The following ZNF704 variants were observed in gnomAD, a reference collection of about 807,000 sequenced individuals.
The protein encoded by ZNF704 is glucocorticoid induced gene 1.
Under a neutral mutation model 44.7 loss-of-function variants are expected in ZNF704, and 10 were observed. That is an observed-to-expected ratio of 0.22 (90% CI 0.14 to 0.38). The LOEUF is 0.38. Ranked by LOEUF, ZNF704 falls within the 10% of genes least tolerant of loss-of-function variation. The pLI is 1.00. For synonymous variants in ZNF704, 211 were observed against 207.6 expected, an observed-to-expected ratio of 1.02 and a Z score of -0.14; for missense variants, 390 against 545.5, an observed-to-expected ratio of 0.71 and a Z score of 2.84.
intron 2 of ZNF704, among the ~76,000 whole-genome samples, chr8:80,764,407 T>C (rs1442364689): frequency 6.6e-6 from 1 of 152,106 alleles, no homozygotes; most frequent in African/African-American, 2.4e-5. Context: ...TCCCAGATGC[T>C]TATAAAACCA....
At chr8:80,727,170 G>T (rs1358374246) in intron 2 of ZNF704, among the ~76,000 whole-genome samples, 1 of 152,142 alleles carries the variant, frequency 6.6e-6, no homozygotes, top group African/African-American at 2.4e-5. Flanking sequence ...AATAGCAAGA[G>T]ATTAAATAAA....
At position 80,634,897 on chromosome 8, in the gene ZNF704, T is replaced by C. The variant is rs1192412983; in HGVS notation, c.*6469A>G. Reference sequence around the variant, plus strand: ...GACTTTAATGCTAACAATGGAGACATTCCAAGGAGTGAAAACAGAGATTTG... The same window carrying C: ...GACTTTAATGCTAACAATGGAGACACTCCAAGGAGTGAAAACAGAGATTTG... On this transcript the variant is annotated 3_prime_UTR_variant, in exon 9 of 9. Coordinates refer to ENST00000327835, the MANE Select transcript of ZNF704 (RefSeq NM_001033723.3). 2 of 152,190 alleles carry C rather than the reference T, an allele frequency of 1.3e-5. No homozygotes were observed. Among genetic ancestry groups the C allele is most frequent in the East Asian group, 3.8e-4 (2 of 5,198 alleles). The allele number at this position is 152,190 out of a possible 1,614,324, so 9.4% of individuals were successfully genotyped here. A position where few individuals can be genotyped will look rare whatever the true frequency, so the allele number is the denominator to read the frequency against.
chr8:80,814,364 T>C (rs1808141282), intron 2 of ZNF704: 1 of 152,234 alleles, frequency 6.6e-6, no homozygotes. Flanking sequence ...TAATGTCAAT[T>C]ATACTGGTTC....
At chr8:80,675,289 A>G (rs559899813) in intron 4 of ZNF704, among the ~76,000 whole-genome samples, 2 of 152,342 alleles carry the variant, frequency 1.3e-5, no homozygotes, top group Admixed American at 6.5e-5. Flanking sequence ...TGGAGGCCAG[A>G]AAGAATGACG....
At chr8:80,784,913 A>G (rs1387711806) in intron 2 of ZNF704, among the ~76,000 whole-genome samples, 3 of 152,200 alleles carry the variant, frequency 2.0e-5, no homozygotes, top group South Asian at 2.1e-4. Context: ...AACTGAGACG[A>G]TAGTGTGGAG....
At position 80,823,520 on chromosome 8, in the gene ZNF704, C is replaced by T. The variant is rs546587719; in HGVS notation, c.-21-1905G>A. Among the ~76,000 whole-genome samples the T allele has an allele frequency of 5.3e-5, 8 of 152,344 alleles. No individual in the cohort carries two copies. The South Asian group carries it at 1.7e-3, about 32-fold the overall frequency. ...TAGGGCACAGCTGAACAAAAGGCAG[C>T]AGCAACTTCTGCAGACTTACACGTC... On this transcript the variant is annotated intron_variant, in intron 1 of 8. Coordinates refer to ENST00000327835, the MANE Select transcript of ZNF704 (RefSeq NM_001033723.3).
In ZNF704 at chr8:80,811,181, A is replaced by C. The variant is rs138060159; in HGVS notation, c.221+10193T>G. Among the ~76,000 whole-genome samples, 462 of 152,316 alleles carry C rather than the reference A, an allele frequency of 3.0e-3. 11 individuals carry two copies. In the East Asian group the frequency reaches 0.033, roughly 11 times the overall value. ...CTTGTCCAAACTGAGATGTGCTATA[A>C]AATATACAGCAGATTTTTAAGATTG... is the stretch of plus-strand genomic sequence containing the variant. On this transcript the variant is annotated intron_variant, in intron 2 of 8. Coordinates refer to ENST00000327835, the MANE Select transcript of ZNF704 (RefSeq NM_001033723.3).
chr8:80,730,902 C>A (rs1806570137), intron 2 of ZNF704, among the ~76,000 whole-genome samples: 2 of 152,036 alleles, frequency 1.3e-5, no homozygotes, highest in Non-Finnish European at 2.9e-5. Context: ...ACTGAAGAAA[C>A]AAATAGATTC....
intron 2 of ZNF704, among the ~76,000 whole-genome samples, chr8:80,759,824 T>C (rs772863863): frequency 6.6e-6 from 1 of 152,094 alleles, no homozygotes; most frequent in East Asian, 1.9e-4. Context: ...GGTCTGATCA[T>C]GGCTTACTGC....
intron 2 of ZNF704, among the ~76,000 whole-genome samples, chr8:80,736,463 A>G (rs533915415): frequency 1.6e-4 from 25 of 152,266 alleles, no homozygotes; most frequent in Admixed American, 1.2e-3. Context: ...TATTTTTAGT[A>G]GAGACAGGGT....
At chr8:80,818,117 T>C (rs1046722325) in intron 2 of ZNF704, among the ~76,000 whole-genome samples, 4 of 152,210 alleles carry the variant, frequency 2.6e-5, no homozygotes, top group African/African-American at 9.6e-5. Context: ...GAAATACATG[T>C]ATTGCTTTTA....
chr8:80,698,743 G>A (rs1057260238), intron 2 of ZNF704, among the ~76,000 whole-genome samples: 2 of 152,230 alleles, frequency 1.3e-5, no homozygotes, highest in Non-Finnish European at 2.9e-5. Context: ...AGCGCAGTGC[G>A]CAGCATCAGC....
intron 1 of ZNF704, among the ~76,000 whole-genome samples, chr8:80,865,417 T>G (rs566386415): frequency 1.3e-5 from 2 of 152,140 alleles, no homozygotes; most frequent in South Asian, 4.2e-4. Flanking sequence ...GAAGTAACAG[T>G]TGGGTGGGGG....
chr8:80,651,307 C>T (rs1817914913), intron 7 of ZNF704, among the ~76,000 whole-genome samples: 1 of 152,206 alleles, frequency 6.6e-6, no homozygotes, highest in African/African-American at 2.4e-5. Context: ...ATCAAATTCA[C>T]ACATAACAAT....
chr8:80,829,963 G>C (rs1808440654), intron 1 of ZNF704, among the ~76,000 whole-genome samples: 1 of 152,076 alleles, frequency 6.6e-6, no homozygotes, highest in Admixed American at 6.6e-5. Flanking sequence ...TAGCGGAAGG[G>C]GCAGATGGCA....
At chr8:80,655,354 C>T (rs1479803617) in intron 7 of ZNF704, among the ~76,000 whole-genome samples, 3 of 151,068 alleles carry the variant, frequency 2.0e-5, no homozygotes, top group African/African-American at 4.9e-5. Flanking sequence ...AAAAACAAAA[C>T]GTATTTGGAA....
intron 1 of ZNF704, among the ~76,000 whole-genome samples, chr8:80,862,764 CAAAAAAAAA>C (rs71266094): frequency 7.6e-5 from 1 of 13,076 alleles, no homozygotes; most frequent in Non-Finnish European, 1.6e-4. Context: ...GACTCCGTCT[CAAAAAAAAA>C]AAAAAAAAAA....
intron 2 of ZNF704, among the ~76,000 whole-genome samples, chr8:80,789,379 T>C (rs1194479092): frequency 6.6e-6 from 1 of 152,156 alleles, no homozygotes; most frequent in Non-Finnish European, 1.5e-5. Flanking sequence ...AAACATAACT[T>C]ATATGAGGTA....
At chr8:80,839,123 T>G (rs1808633915) in intron 1 of ZNF704, among the ~76,000 whole-genome samples, 1 of 152,232 alleles carries the variant, frequency 6.6e-6, no homozygotes, top group African/African-American at 2.4e-5. Context: ...TTTTAAGATA[T>G]ATGAGCTGGT....
Sources: gnomAD v4.1 joint callset for allele counts (sites outside exome capture counted in the v4.1 genomes callset) on GRCh38, gnomAD v4.1.1 for gene constraint, MANE v1.5 for transcripts, NCBI Gene and HGNC (gene_info 2026-07-23, HGNC 2026-07-21) for gene names.